The following ZGRF1 variants were observed in gnomAD, a reference collection of about 807,000 sequenced individuals.
The protein encoded by ZGRF1 is zinc finger GRF-type containing 1, also known as 5'-3' DNA helicase ZGRF1.
A neutral mutation model predicts 203.5 loss-of-function variants in ZGRF1; 196 were observed. That is an observed-to-expected ratio of 0.96 (90% CI 0.86 to 1.08). ZGRF1 has a LOEUF of 1.08. Among genes scored for constraint, ZGRF1 ranks in the 50% least tolerant of loss-of-function variants. The probability of loss-of-function intolerance (pLI) is 0.00; values close to 1 mark genes in which losing one functional copy is unlikely to be tolerated. For missense variants in ZGRF1, 2,326 were observed against 2,416.3 expected, an observed-to-expected ratio of 0.96 and a Z score of 0.78; for synonymous variants, 809 against 841.3, an observed-to-expected ratio of 0.96 and a Z score of 0.66.
At chr4:112,604,010 G>A (rs1351433265) in intron 9 of ZGRF1, among the ~76,000 whole-genome samples, 1 of 152,088 alleles carries the variant, frequency 6.6e-6, no homozygotes, top group Non-Finnish European at 1.5e-5. Context: ...ATCACTTGAG[G>A]TCAGGAGTTC....
chr4:112,600,162 G>A (rs1367139310), intron 10 of ZGRF1, among the ~76,000 whole-genome samples: 1 of 152,024 alleles, frequency 6.6e-6, no homozygotes, highest in Non-Finnish European at 1.5e-5. Flanking sequence ...CTGCTGGGTA[G>A]CTGGGACTAG....
At chr4:112,541,866 A>G (rs574960961) in intron 24 of ZGRF1, among the ~76,000 whole-genome samples, 24 of 152,224 alleles carry the variant, frequency 1.6e-4, no homozygotes, top group Admixed American at 5.9e-4. Context: ...TTGGTCTAAC[A>G]CTAAATTGAA....
chr4:112,607,546 A>G (rs531801747), intron 8 of ZGRF1, among the ~76,000 whole-genome samples: 1 of 152,372 alleles, frequency 6.6e-6, no homozygotes, highest in Admixed American at 6.5e-5. Flanking sequence ...ATGAGGCAGA[A>G]GTGGCATTAA....
At chr4:112,589,913 T>C in intron 10 of ZGRF1, 39 bp from the exon 11 acceptor site, 1 of 1,465,088 alleles carries the variant, frequency 6.8e-7, no homozygotes. Flanking sequence ...GACCAAAATC[T>C]TCTGATTTTT....
chr4:112,559,183 G>T (rs1430091305), intron 19 of ZGRF1, among the ~76,000 whole-genome samples: 1 of 152,092 alleles, frequency 6.6e-6, no homozygotes, highest in Non-Finnish European at 1.5e-5. Context: ...AAGATTTCAA[G>T]CAATGGTTGT....
In ZGRF1 at chr4:112,548,365, C is replaced by T; in HGVS notation, c.5362G>A (p.Val1788Ile). 1 of 1,553,338 alleles carries T rather than the reference C, an allele frequency of 6.4e-7. No individual in the cohort carries two copies. Reference sequence around the variant, plus strand: ...GGGAATGGGCAGGCTGCACAGGTAACTCCAACTACTCGAACCTTTATTACA... The same window carrying T: ...GGGAATGGGCAGGCTGCACAGGTAATTCCAACTACTCGAACCTTTATTACA... ...TLLKQVRVVG[V>I]TCAACPFPCM... Residue 1788 changes from valine to isoleucine, a missense_variant, in exon 23 of 28, where the codon GTT becomes ATT. By Grantham distance (29) the Val-to-Ile change is conservative. Transcript: ENST00000505019.
chr4:112,566,776 A>AGG (rs375100400), intron 16 of ZGRF1, among the ~76,000 whole-genome samples: 51 of 152,130 alleles, frequency 3.4e-4, no homozygotes, highest in African/African-American at 1.0e-3. Flanking sequence ...ATTTTGGCCA[A>AGG]GGGCAGAAGG....
Position 112,541,076 on chromosome 4 carries a change from C to T in ZGRF1, c.5775+16G>A, listed in dbSNP as rs749701473. On this transcript the variant is annotated intron_variant, in intron 25 of 27. Coordinates refer to ENST00000505019, the MANE Select transcript of ZGRF1 (RefSeq NM_018392.5). ...CCTAAACCATGTTGACTCTCATCAA[C>T]ATTAATGTCATTTACCTGTTCTAGT... is the stretch of plus-strand genomic sequence containing the variant. 3 of 1,567,052 alleles carry T rather than the reference C, an allele frequency of 1.9e-6. No individual in the cohort carries two copies. The highest frequency in any genetic ancestry group is 1.7e-4 in the Middle Eastern group (1 of 5,980).
intron 16 of ZGRF1, among the ~76,000 whole-genome samples, chr4:112,567,289 A>G (rs1000698422): frequency 1.3e-5 from 2 of 152,160 alleles, no homozygotes; most frequent in African/African-American, 2.4e-5. Context: ...AGAAAAGCTC[A>G]TAACGCCAGG....
rs1560804825 is a variant in ZGRF1, at chr4:112,584,178, AGGGG to A, written c.4102-8_4102-5del. 2 of 1,554,698 alleles carry A rather than the reference AGGGG, an allele frequency of 1.3e-6. No individual in the cohort carries two copies. Among genetic ancestry groups the A allele is most frequent in the Non-Finnish European group, 8.7e-7 (1 of 1,154,566 alleles). On this transcript the variant is annotated splice_region_variant and splice_polypyrimidine_tract_variant and intron_variant, in intron 14 of 27. Coordinates refer to ENST00000505019, the MANE Select transcript of ZGRF1 (RefSeq NM_018392.5). ...CACATGTATAAAAGAGACGACCCTA[AGGGG>A]AAAGAAAAAAGATCAACATTTAGTG...
At chr4:112,623,739 C>T (rs1234683188) in intron 4 of ZGRF1, 78 bp downstream of exon 4, 13 of 727,818 alleles carry the variant, frequency 1.8e-5, no homozygotes, top group Non-Finnish European at 2.8e-5. Flanking sequence ...TATGACTACA[C>T]TAACAATATT....
chr4:112,564,306 T>C (rs1252347602), intron 16 of ZGRF1, among the ~76,000 whole-genome samples: 1 of 152,214 alleles, frequency 6.6e-6, no homozygotes, highest in Non-Finnish European at 1.5e-5. Context: ...CTTGTGATAT[T>C]AAAAGTAGGC....
intron 7 of ZGRF1, among the ~76,000 whole-genome samples, chr4:112,611,940 T>C (rs1215512398): frequency 6.6e-6 from 1 of 151,866 alleles, no homozygotes; most frequent in Non-Finnish European, 1.5e-5. Flanking sequence ...CCAACAGAGG[T>C]ACACATTCCA....
At chr4:112,581,891 G>A in intron 15 of ZGRF1, 89 bp from the exon 16 acceptor site, 1 of 601,060 alleles carries the variant, frequency 1.7e-6, no homozygotes, top group Non-Finnish European at 2.6e-6. Context: ...AAAAGAACCA[G>A]GGTTTCATAT....
At chr4:112,594,917 G>A (rs781325890) in intron 10 of ZGRF1, among the ~76,000 whole-genome samples, 1 of 152,018 alleles carries the variant, frequency 6.6e-6, no homozygotes, top group Non-Finnish European at 1.5e-5. Flanking sequence ...AAAGAAAGCA[G>A]TCATCTATGT....
At chr4:112,554,101 G>A (rs1228789270) in intron 21 of ZGRF1, 119 bp from the exon 22 acceptor site, 2 of 827,152 alleles carry the variant, frequency 2.4e-6, no homozygotes, top group South Asian at 1.8e-5. Context: ...TGTGCACAAT[G>A]TGCAGGTTTG....
chr4:112,584,588 T>G (rs561185456), intron 14 of ZGRF1, among the ~76,000 whole-genome samples: 70 of 152,302 alleles, frequency 4.6e-4, no homozygotes, highest in African/African-American at 1.4e-3. Flanking sequence ...GATGATACAT[T>G]TTCTACTCTG....
At chr4:112,614,488 A>ATTTTTTGCTAAG (rs1266097729) in intron 6 of ZGRF1, among the ~76,000 whole-genome samples, 51 of 152,290 alleles carry the variant, frequency 3.3e-4, no homozygotes, top group African/African-American at 1.2e-3. Flanking sequence ...GCTTAGTGCC[A>ATTTTTTGCTAAG]CATTTTTCAT....
At chr4:112,543,726 C>T (rs1017566882) in intron 24 of ZGRF1, among the ~76,000 whole-genome samples, 3 of 152,122 alleles carry the variant, frequency 2.0e-5, no homozygotes, top group East Asian at 1.9e-4. Flanking sequence ...GGGGAGAGAA[C>T]GAATGGTTGG....
Sources: gnomAD v4.1 joint callset for allele counts (sites outside exome capture counted in the v4.1 genomes callset) on GRCh38, gnomAD v4.1.1 for gene constraint, MANE v1.5 for transcripts, NCBI Gene and HGNC (gene_info 2026-07-23, HGNC 2026-07-21) for gene names.